The following PBRM1 variants were observed in gnomAD, a reference collection of about 807,000 sequenced individuals.
PBRM1 encodes the protein protein polybromo-1.
PBRM1 carries 27 observed loss-of-function variants against 194.5 expected under a neutral mutation model. The ratio of observed to expected loss-of-function variants is 0.14; its 90% CI spans 0.10 to 0.19. The LOEUF (loss-of-function observed/expected upper bound fraction) is 0.19. Ranked by LOEUF, PBRM1 falls within the 10% of genes least tolerant of loss-of-function variation. The pLI, the probability that PBRM1 is intolerant of heterozygous loss-of-function variation, is 1.00. For synonymous variants in PBRM1, 655 were observed against 693.2 expected (o/e 0.94, Z 0.87); for missense variants, 1,466 against 2,077.2 (o/e 0.71, Z 5.72).
chr3:52,579,836 G>A (rs1187959803), intron 20 of PBRM1, among the ~76,000 whole-genome samples: 1 of 152,110 alleles, frequency 6.6e-6, no homozygotes. Context: ...AGGATTTATC[G>A]GTATTTAAAA....
exon 30 of PBRM1, chr3:52,548,130 C>T (rs1367900513): frequency 1.2e-6 from 2 of 1,610,678 alleles, no homozygotes; most frequent in Non-Finnish European, 1.7e-6. Flanking sequence ...ATCTCGAAGG[C>T]GCCAGAGGGC....
intron 10 of PBRM1, among the ~76,000 whole-genome samples, chr3:52,635,473 G>A (rs1306731495): frequency 6.6e-6 from 1 of 152,002 alleles, no homozygotes; most frequent in Admixed American, 6.5e-5. Context: ...GGCTGAGGCA[G>A]AAGAATTGCT....
In PBRM1 at chr3:52,651,849, C is replaced by T. The variant is rs368022940; in HGVS notation, c.646-39G>A. 39 of 1,284,122 alleles carry T rather than the reference C, an allele frequency of 3.0e-5. No homozygotes were observed. In the East Asian group the frequency reaches 7.7e-4, roughly 25 times the overall value. 79.5% of individuals were successfully genotyped at this position (1,284,122 alleles called of 1,614,324 possible). On this transcript the variant is annotated intron_variant, in intron 5 of 29. Coordinates refer to ENST00000296302, the Ensembl canonical transcript of PBRM1. ...AACCAGGCATGCTCAATAAGTTAAA[C>T]TATTCAGCTAATGAAAAGAGAAGGA...
chr3:52,653,756 A>G (rs1208057898), intron 5 of PBRM1, among the ~76,000 whole-genome samples: 2 of 149,898 alleles, frequency 1.3e-5, no homozygotes, highest in African/African-American at 2.5e-5. Flanking sequence ...CTAAAAATAC[A>G]AAAATTAGCT....
At chr3:52,645,912 T>C (rs1009889568) in intron 7 of PBRM1, among the ~76,000 whole-genome samples, 3 of 152,204 alleles carry the variant, frequency 2.0e-5, no homozygotes, top group Non-Finnish European at 4.4e-5. Context: ...AAACCGCAGA[T>C]AAGGTGAGGG....
At chr3:52,639,885 C>T (rs968104559) in intron 10 of PBRM1, among the ~76,000 whole-genome samples, 1 of 152,136 alleles carries the variant, frequency 6.6e-6, no homozygotes, top group African/African-American at 2.4e-5. Flanking sequence ...TGTTTTAAGC[C>T]ACTAAGTATG....
At chr3:52,584,339 A>G (rs1025511668) in intron 20 of PBRM1, among the ~76,000 whole-genome samples, 5 of 151,592 alleles carry the variant, frequency 3.3e-5, no homozygotes, top group Non-Finnish European at 5.9e-5. Context: ...ACTAGTTTAT[A>G]TATGAAGACT....
exon 5 of PBRM1, chr3:52,658,289 G>C: frequency 6.2e-7 from 1 of 1,609,624 alleles, no homozygotes; most frequent in Non-Finnish European, 8.5e-7. Context: ...GCTGCTCCAG[G>C]ATCTCCTTCA....
chr3:52,621,549 CTG>C (rs1367407588), intron 13 of PBRM1, among the ~76,000 whole-genome samples: 1 of 152,182 alleles, frequency 6.6e-6, no homozygotes, highest in Admixed American at 6.5e-5. Flanking sequence ...AAACCATTAA[CTG>C]TGAATAGTTT....
At chr3:52,597,618 G>A (rs973077703) in intron 17 of PBRM1, among the ~76,000 whole-genome samples, 4 of 151,984 alleles carry the variant, frequency 2.6e-5, no homozygotes, top group Non-Finnish European at 5.9e-5. Context: ...CAGGGTACTG[G>A]CACCATCACA....
At chr3:52,554,670 G>GA in intron 27 of PBRM1, 54 bp downstream of exon 29, 1 of 1,454,360 alleles carries the variant, frequency 6.9e-7, no homozygotes, top group Non-Finnish European at 9.1e-7. Context: ...GTTGAAAGCG[G>GA]AAAAAGAGAA....
intron 4 of PBRM1, among the ~76,000 whole-genome samples, chr3:52,660,005 C>T (rs1391866925): frequency 1.3e-5 from 2 of 152,144 alleles, no homozygotes; most frequent in Non-Finnish European, 2.9e-5. Context: ...GCAGAAGAAT[C>T]GTTTGAACCC....
downstream of PBRM1, chr3:52,547,504 C>T (rs2079827927): frequency 4.3e-6 from 1 of 233,504 alleles, no homozygotes; most frequent in African/African-American, 2.2e-5. Flanking sequence ...AAAGAAAGCA[C>T]TTCATCTGTA....
exon 30 of PBRM1, chr3:52,548,007 T>A (rs2153302554): frequency 1.5e-5 from 21 of 1,417,026 alleles, no homozygotes; most frequent in Non-Finnish European, 2.1e-5. Flanking sequence ...GTAACTAAAA[T>A]GGCTACTGAT....
In PBRM1 at chr3:52,550,705, C is replaced by G. The variant is rs537376920; in HGVS notation, c.4680+42G>C. ...TGCACATGTTCTGAGAAGGATAACT[C>G]GAATTCTGTCAAGTCCTAGAAAATC... On this transcript the variant is annotated intron_variant, in intron 28 of 29. Coordinates refer to ENST00000296302, the Ensembl canonical transcript of PBRM1. 28 of 1,586,982 alleles carry G rather than the reference C, an allele frequency of 1.8e-5. No individual in the cohort carries two copies. The African/African-American group carries it at 2.3e-4, about 13-fold the overall frequency.
intron 17 of PBRM1, among the ~76,000 whole-genome samples, chr3:52,599,018 CAAAAAAAAAAAAA>C (rs59170143): frequency 1.7e-5 from 2 of 114,380 alleles, no homozygotes; most frequent in Admixed American, 8.2e-5. Context: ...CCAGATATCT[CAAAAAAAAAAAAA>C]AAAAAAAAAA....
chr3:52,667,714 C>T (rs959173439), intron 3 of PBRM1, among the ~76,000 whole-genome samples: 7 of 141,258 alleles, frequency 5.0e-5, no homozygotes, highest in Admixed American at 7.5e-5. Context: ...GATCGTGCCA[C>T]TGCACTCTAG....
At chr3:52,568,958 G>A (rs1379476211) in intron 22 of PBRM1, among the ~76,000 whole-genome samples, 1 of 152,050 alleles carries the variant, frequency 6.6e-6, no homozygotes, top group East Asian at 1.9e-4. Context: ...GATGACAGCT[G>A]CTCACTGCAG....
intron 20 of PBRM1, among the ~76,000 whole-genome samples, chr3:52,582,483 C>T (rs574788422): frequency 5.6e-4 from 82 of 145,990 alleles, no homozygotes; most frequent in South Asian, 3.1e-3. Context: ...GATCTCAGCT[C>T]ACTGCAGCCT....
Sources: gnomAD v4.1 joint callset for allele counts (sites outside exome capture counted in the v4.1 genomes callset) on GRCh38, gnomAD v4.1.1 for gene constraint, MANE v1.5 for transcripts, NCBI Gene and HGNC (gene_info 2026-07-23, HGNC 2026-07-21) for gene names.